ARHGAP8: variants seen among roughly 807,000 people sequenced by gnomAD.
ARHGAP8 encodes rho GTPase-activating protein 8.
Under a neutral mutation model 46.1 loss-of-function variants are expected in ARHGAP8, and 62 were observed. The observed-to-expected ratio is 1.34, with a 90% confidence interval of 1.10 to 1.66. ARHGAP8 has a LOEUF of 1.66. ARHGAP8 is among the 40% of genes most tolerant of loss of function. The pLI is 0.00. For missense variants in ARHGAP8, 923 were observed against 568.4 expected, an observed-to-expected ratio of 1.62 and a Z score of -6.34; for synonymous variants, 375 against 243.1, an observed-to-expected ratio of 1.54 and a Z score of -5.05.
intron 3 of ARHGAP8, 106 bp downstream of exon 3, chr22:44,802,270 CT>C: frequency 1.4e-6 from 2 of 1,395,414 alleles, no homozygotes; most frequent in Non-Finnish European, 9.8e-7. Context: ...CTGGGGCCTC[CT>C]TTGTGACCTT....
chr22:44,860,725 G>C (rs1186815699), intron 11 of ARHGAP8, among the ~76,000 whole-genome samples: 1 of 150,962 alleles, frequency 6.6e-6, no homozygotes, highest in Non-Finnish European at 1.5e-5. Flanking sequence ...CCTGGGGCAG[G>C]GATCCATTTG....
intron 10 of ARHGAP8, among the ~76,000 whole-genome samples, chr22:44,854,573 A>G (rs556995374): frequency 1.3e-5 from 2 of 152,154 alleles, no homozygotes; most frequent in African/African-American, 4.8e-5. Context: ...AGTAAGCCCA[A>G]CTACATAAAG....
chr22:44,786,357 G>A (rs907348957), intron 1 of ARHGAP8, 100 bp from the exon 2 acceptor site: 5 of 1,462,534 alleles, frequency 3.4e-6, no homozygotes, highest in Non-Finnish European at 3.7e-6. Context: ...TGGGTGTGCA[G>A]CAGAGGTGGG....
At position 44,859,783 on chromosome 22, in the gene ARHGAP8, C is replaced by G. The variant is rs150730726; in HGVS notation, c.930C>G (p.Leu310=). Residue 310 remains leucine, a synonymous_variant, in exon 11 of 12, where the codon CTC becomes CTG. Coordinates refer to ENST00000356099, the MANE Select transcript of ARHGAP8 (RefSeq NM_181335.3). ...VTGCRQILRS[L]PEHNYVVLRY... Reference sequence around the variant, plus strand: ...GCTGCCGCCAGATCTTACGGAGCCTCCCAGAGCACAACTACGTCGTCCTCC... The same window carrying G: ...GCTGCCGCCAGATCTTACGGAGCCTGCCAGAGCACAACTACGTCGTCCTCC... 4.0e-5 allele frequency: 64 copies of G among 1,614,016 alleles called. No homozygotes were observed. The highest frequency in any genetic ancestry group is 5.3e-5 in the Non-Finnish European group (62 of 1,180,048).
intron 8 of ARHGAP8, among the ~76,000 whole-genome samples, chr22:44,846,156 G>A (rs536779269): frequency 3.9e-5 from 6 of 152,160 alleles, no homozygotes; most frequent in Non-Finnish European, 5.9e-5. Context: ...ACTCAGCACC[G>A]TGGGCCCCGA....
At chr22:44,816,730 A>G (rs1336115790) in intron 5 of ARHGAP8, among the ~76,000 whole-genome samples, 1 of 149,672 alleles carries the variant, frequency 6.7e-6, no homozygotes, top group African/African-American at 2.5e-5. Context: ...GCTTGAGTCC[A>G]GGACTTCAAG....
intron 1 of ARHGAP8, among the ~76,000 whole-genome samples, chr22:44,769,180 G>C (rs1925821346): frequency 6.6e-6 from 1 of 152,186 alleles, no homozygotes; most frequent in South Asian, 2.1e-4. Flanking sequence ...GCAGCCCTGG[G>C]CTTTGGTGAG....
chr22:44,844,710 G>T (rs541999885), intron 7 of ARHGAP8, among the ~76,000 whole-genome samples: 61 of 152,274 alleles, frequency 4.0e-4, no homozygotes, highest in African/African-American at 1.3e-3. Flanking sequence ...TGATCCGCCT[G>T]CCTTGGCCTC....
At chr22:44,776,245 GT>G (rs1926407655) in intron 1 of ARHGAP8, among the ~76,000 whole-genome samples, 2 of 152,178 alleles carry the variant, frequency 1.3e-5, no homozygotes, top group Admixed American at 6.6e-5. Flanking sequence ...GAGTTCAGGA[GT>G]TTGAGACCTA....
intron 10 of ARHGAP8, among the ~76,000 whole-genome samples, chr22:44,858,552 A>C (rs58576218): frequency 0.17 from 17,952 of 102,670 alleles, 1,861 homozygotes; most frequent in Middle Eastern, 0.23. Context: ...TTTTTTTTTT[A>C]AGTAACAGGG....
chr22:44,785,015 C>T lies in ARHGAP8; in HGVS notation c.-71-1442C>T, dbSNP rs141857126. ...GTGCTGAGTAAATACCAGGTAAACA[C>T]CCCAAGGACTGGGGTAGACCGGGAC... On this transcript the variant is annotated intron_variant, in intron 1 of 11. Coordinates refer to ENST00000356099, the MANE Select transcript of ARHGAP8 (RefSeq NM_181335.3). 3.3e-5 allele frequency among the ~76,000 whole-genome samples: 5 copies of T among 152,318 alleles called. No individual in the cohort carries two copies. In the East Asian group the frequency reaches 9.7e-4, roughly 29 times the overall value.
chr22:44,860,910 T>G (rs1433800464), intron 11 of ARHGAP8, among the ~76,000 whole-genome samples: 1 of 152,180 alleles, frequency 6.6e-6, no homozygotes, highest in Non-Finnish European at 1.5e-5. Flanking sequence ...TCCCAGAGTC[T>G]GTTGGAGAAT....
chr22:44,833,973 T>A (rs1208258456), intron 7 of ARHGAP8, among the ~76,000 whole-genome samples: 1 of 152,198 alleles, frequency 6.6e-6, no homozygotes, highest in African/African-American at 2.4e-5. Flanking sequence ...ATCCTTTTAT[T>A]TGTATAATGT....
chr22:44,824,076 C>G (rs1004938701), intron 6 of ARHGAP8, among the ~76,000 whole-genome samples: 1 of 152,146 alleles, frequency 6.6e-6, no homozygotes, highest in Admixed American at 6.5e-5. Flanking sequence ...TCTCCACCCC[C>G]ACATACTTCC....
intron 5 of ARHGAP8, among the ~76,000 whole-genome samples, chr22:44,820,612 G>A (rs1309127439): frequency 6.6e-6 from 1 of 152,162 alleles, no homozygotes; most frequent in African/African-American, 2.4e-5. Context: ...CACTAAGGCA[G>A]GCCCCGCTTT....
At chr22:44,848,759 G>A (rs772847041) in intron 9 of ARHGAP8, among the ~76,000 whole-genome samples, 173 bp from the exon 10 acceptor site, 2 of 152,158 alleles carry the variant, frequency 1.3e-5, no homozygotes, top group Non-Finnish European at 2.9e-5. Context: ...GGGGCTGATG[G>A]GGCCAGAGCA....
chr22:44,789,068 A>T (rs1181966493), intron 2 of ARHGAP8, among the ~76,000 whole-genome samples: 1 of 152,316 alleles, frequency 6.6e-6, no homozygotes, highest in South Asian at 2.1e-4. Flanking sequence ...ACAGCTCCCA[A>T]AATTGGACTT....
intron 7 of ARHGAP8, among the ~76,000 whole-genome samples, chr22:44,832,222 A>ATT (rs373759458): frequency 0.12 from 12,917 of 106,332 alleles, 982 homozygotes; most frequent in East Asian, 0.29. Context: ...TGTCAATGTA[A>ATT]TTTTTTTTTT....
intron 11 of ARHGAP8, 130 bp from the exon 12 acceptor site, chr22:44,862,145 A>C: frequency 8.9e-7 from 1 of 1,129,234 alleles, no homozygotes; most frequent in Non-Finnish European, 1.2e-6. Context: ...GGTCCCCATT[A>C]CTGGCTGCCG....
Sources: allele counts gnomAD v4.1 joint callset (sites outside exome capture counted in the v4.1 genomes callset), GRCh38; gene constraint gnomAD v4.1.1; transcripts MANE v1.5; gene names NCBI Gene and HGNC (gene_info 2026-07-23, HGNC 2026-07-21).